ABCC5: variants seen among roughly 807,000 people sequenced by gnomAD.
The protein encoded by ABCC5 is ATP binding cassette subfamily C member 5, also known as ATP-binding cassette sub-family C member 5.
Under a neutral mutation model 160.9 loss-of-function variants are expected in ABCC5, and 61 were observed. The ratio of observed to expected loss-of-function variants is 0.38; its 90% CI spans 0.31 to 0.47. The LOEUF (loss-of-function observed/expected upper bound fraction) is 0.47. Ranked by LOEUF, ABCC5 falls within the 20% of genes least tolerant of loss-of-function variation. The probability of loss-of-function intolerance (pLI) is 0.99; values close to 1 mark genes in which losing one functional copy is unlikely to be tolerated. For missense variants in ABCC5, 1,308 were observed against 1,813.3 expected, an observed-to-expected ratio of 0.72 and a Z score of 5.06; for synonymous variants, 666 against 700.6, an observed-to-expected ratio of 0.95 and a Z score of 0.78.
rs368111498 is a variant in ABCC5, at chr3:183,988,558, C to T, written c.443+14G>A. On this transcript the variant is annotated intron_variant, in intron 4 of 29. Transcript: ENST00000334444. The surrounding 1 kb of genome is among the most constrained non-coding windows in gnomAD (Gnocchi z 4.4). ...CCGGCATGGGGGAGATGAGGGTGGA[C>T]CAGAGGCGCCTACCTTCTGCAGTTC... The T allele has an allele frequency of 3.2e-5, 52 of 1,607,538 alleles. No homozygotes were observed. The highest frequency in any genetic ancestry group is 1.4e-4 in the Admixed American group (8 of 58,836).
chr3:183,991,320 A>C (rs544074203), intron 2 of ABCC5, among the ~76,000 whole-genome samples: 4 of 152,036 alleles, frequency 2.6e-5, no homozygotes, highest in Non-Finnish European at 4.4e-5. Context: ...AAAAAAACAA[A>C]AAACAAACAA....
intron 27 of ABCC5, chr3:183,927,660 A>G: frequency 1.0e-6 from 1 of 985,444 alleles, no homozygotes; most frequent in Non-Finnish European, 1.2e-6. Flanking sequence ...TTAGCTTTAT[A>G]CCATTAAAAC....
At chr3:183,957,496 G>A (rs1428289249) in intron 17 of ABCC5, among the ~76,000 whole-genome samples, 3 of 146,914 alleles carry the variant, frequency 2.0e-5, no homozygotes, top group African/African-American at 7.6e-5. Flanking sequence ...ATGCGGATCC[G>A]TGTGTAAATC....
chr3:183,953,508 A>G (rs1577510232), intron 17 of ABCC5, among the ~76,000 whole-genome samples: 2 of 152,174 alleles, frequency 1.3e-5, no homozygotes, highest in South Asian at 2.1e-4. Flanking sequence ...CCCCACCCCT[A>G]GGGACCTGGC....
At chr3:183,957,918 ATATCACATCGGTTACATGCGGATCCG>A (rs1716336025) in intron 17 of ABCC5, among the ~76,000 whole-genome samples, 1 of 150,350 alleles carries the variant, frequency 6.7e-6, no homozygotes, top group African/African-American at 2.5e-5. Context: ...ATCCGTGTGT[ATATCACATCGGTTACATGCGGATCCG>A]TGTGTACATC....
chr3:183,953,274 G>A lies in ABCC5; in HGVS notation c.2483-4C>T. On this transcript the variant is annotated splice_region_variant and splice_polypyrimidine_tract_variant and intron_variant, in intron 17 of 29. Transcript: ENST00000334444. ...TCTTCCAGCTGCACAAGCTGCCCTA[G>A]GTAAGAAAAAAAGAAACATGGACTC... 2 of 1,584,918 alleles carry A rather than the reference G, an allele frequency of 1.3e-6. No individual in the cohort carries two copies. The highest frequency in any genetic ancestry group is 1.1e-5 in the South Asian group (1 of 87,358).
At chr3:183,989,656 C>T (rs1719565181) in intron 2 of ABCC5, among the ~76,000 whole-genome samples, 1 of 151,252 alleles carries the variant, frequency 6.6e-6, no homozygotes, top group African/African-American at 2.4e-5. Context: ...CAGAATGCTC[C>T]CATATACCTC....
rs1178678950 is a variant in ABCC5, at chr3:183,974,484, T to C, written c.1405-2565A>G. Among the ~76,000 whole-genome samples the C allele has an allele frequency of 2.0e-5, 3 of 152,226 alleles. No homozygotes were observed. The East Asian group carries it at 5.8e-4, about 29-fold the overall frequency. The stretch of plus-strand genomic sequence containing the variant: ...CCACCACACCCAGCTAATTTTTGTA[T>C]TTTTAGTAGAGACGGGGTTTCATAA... On this transcript the variant is annotated intron_variant, in intron 10 of 29. Transcript: ENST00000334444.
intron 2 of ABCC5, chr3:184,009,977 T>C: frequency 4.6e-6 from 2 of 431,894 alleles, no homozygotes; most frequent in South Asian, 1.7e-5. Flanking sequence ...TGAGAGTGCC[T>C]CTACAAAAAA....
chr3:184,007,016 CTTTTTT>C (rs376229755), intron 2 of ABCC5, among the ~76,000 whole-genome samples: 2 of 81,138 alleles, frequency 2.5e-5, no homozygotes, highest in Admixed American at 3.3e-4. Flanking sequence ...TTTACTTCTG[CTTTTTT>C]TTTTTTTTTT....
intron 1 of ABCC5, 76 bp from the exon 2 acceptor site, chr3:184,014,523 T>C (rs919475667): frequency 4.0e-6 from 3 of 745,164 alleles, no homozygotes; most frequent in South Asian, 6.6e-5. Context: ...GCCTTAAAAA[T>C]AGGAAAAAAA....
intron 20 of ABCC5, 72 bp from the exon 21 acceptor site, chr3:183,950,197 A>C: frequency 6.8e-7 from 1 of 1,477,504 alleles, no homozygotes; most frequent in Non-Finnish European, 9.1e-7. Flanking sequence ...AAAAAACAAA[A>C]AGGGGTTCCA....
intron 2 of ABCC5, among the ~76,000 whole-genome samples, chr3:183,996,050 G>A (rs985170834): frequency 6.6e-6 from 1 of 152,052 alleles, no homozygotes; most frequent in Non-Finnish European, 1.5e-5. Context: ...CTCATGATCC[G>A]CCTGCCTCGG....
chr3:183,940,453 C>G (rs1714197190), intron 25 of ABCC5, among the ~76,000 whole-genome samples: 1 of 119,388 alleles, frequency 8.4e-6, no homozygotes, highest in African/African-American at 3.4e-5. Flanking sequence ...GACTGAGACT[C>G]TGTCTCAGGA....
At chr3:183,966,258 A>G (rs1446346600) in intron 12 of ABCC5, among the ~76,000 whole-genome samples, 1 of 152,192 alleles carries the variant, frequency 6.6e-6, no homozygotes, top group East Asian at 1.9e-4. Context: ...CAGCGTGTAC[A>G]CACACAGGTG....
chr3:183,943,059 C>A, intron 24 of ABCC5, 143 bp from the exon 25 acceptor site: 1 of 793,554 alleles, frequency 1.3e-6, no homozygotes, highest in Non-Finnish European at 2.0e-6. Context: ...GGAAAGAATC[C>A]CTTGGAAGTA....
At position 183,987,193 on chromosome 3, in the gene ABCC5, T is replaced by C. The variant is rs1719296379; in HGVS notation, c.591+577A>G. The stretch of plus-strand genomic sequence containing the variant: ...AACAGAGTGAACGTCAAAGGCTCTC[T>C]TGTCTACTCTGCATCAGTACAGACT... On this transcript the variant is annotated intron_variant, in intron 5 of 29. Transcript: ENST00000334444. The surrounding 1 kb of genome is among the most constrained non-coding windows in gnomAD (Gnocchi z 4.2). 6.0e-6 allele frequency: 1 copy of C among 165,876 alleles called. No homozygotes were observed. The highest frequency in any genetic ancestry group is 2.4e-5 in the African/African-American group (1 of 41,740). The allele number at this position is 165,876 out of a possible 1,614,324, so 10.3% of individuals were successfully genotyped here. A position where few individuals can be genotyped will look rare whatever the true frequency, so the allele number is the denominator to read the frequency against.
At chr3:183,983,224 C>T (rs1029759445) in intron 5 of ABCC5, among the ~76,000 whole-genome samples, 2 of 152,230 alleles carry the variant, frequency 1.3e-5, no homozygotes, top group Non-Finnish European at 2.9e-5. Context: ...TTCTTCCTTA[C>T]AGGACATCAT....
At chr3:183,942,609 G>C in intron 25 of ABCC5, 118 bp downstream of exon 25, 1 of 1,322,488 alleles carries the variant, frequency 7.6e-7, no homozygotes, top group East Asian at 2.4e-5. Context: ...GTTTCAGTAG[G>C]GGGCTGAGAC....
Sources: gnomAD v4.1 joint callset for allele counts (sites outside exome capture counted in the v4.1 genomes callset) on GRCh38, gnomAD v4.1.1 for gene constraint, Gnocchi (gnomAD v3.1) non-coding constraint, MANE v1.5 for transcripts, NCBI Gene and HGNC (gene_info 2026-07-23, HGNC 2026-07-21) for gene names.